GRIP1: variants seen among roughly 807,000 people sequenced by gnomAD.
GRIP1 encodes the protein glutamate receptor interacting protein 1.
Under a neutral mutation model 129.9 loss-of-function variants are expected in GRIP1, and 45 were observed. The observed-to-expected ratio is 0.35, with a 90% CI of 0.27 to 0.44. The LOEUF is 0.44. Ranked by LOEUF, GRIP1 falls within the 20% of genes least tolerant of loss-of-function variation. GRIP1 has a pLI of 1.00. For missense variants in GRIP1, 1,196 were observed against 1,396.8 expected, an observed-to-expected ratio of 0.86 and a Z score of 2.29; for synonymous variants, 530 against 520.8, an observed-to-expected ratio of 1.02 and a Z score of -0.24.
chr12:67,026,801 TATA>T (rs1322448152), intron 1 of GRIP1, among the ~76,000 whole-genome samples: 3 of 152,202 alleles, frequency 2.0e-5, no homozygotes, highest in Non-Finnish European at 4.4e-5. Context: ...TTTTGAATAA[TATA>T]ATCTCTTTAA....
At chr12:66,789,412 T>C (rs1345059699) in intron 1 of GRIP1, among the ~76,000 whole-genome samples, 3 of 152,160 alleles carry the variant, frequency 2.0e-5, no homozygotes, top group African/African-American at 4.8e-5. Context: ...TTCTCATCTA[T>C]AAAATGAGGA....
intron 2 of GRIP1, among the ~76,000 whole-genome samples, chr12:66,573,660 TA>T (rs1291812972): frequency 6.6e-6 from 1 of 152,106 alleles, no homozygotes; most frequent in African/African-American, 2.4e-5. Flanking sequence ...TTCCTATGCT[TA>T]GAAAGTTCTA....
At chr12:66,798,134 T>TA (rs1161435449) in intron 1 of GRIP1, among the ~76,000 whole-genome samples, 1 of 152,172 alleles carries the variant, frequency 6.6e-6, no homozygotes, top group Admixed American at 6.5e-5. Flanking sequence ...ATATGCTTTT[T>TA]ATTAAATAAA....
chr12:66,640,895 C>T (rs1565933515), intron 1 of GRIP1, among the ~76,000 whole-genome samples: 1 of 152,120 alleles, frequency 6.6e-6, no homozygotes, highest in East Asian at 1.9e-4. Flanking sequence ...TCATAAATCC[C>T]ACTGGGGGAA....
intron 1 of GRIP1, among the ~76,000 whole-genome samples, chr12:67,059,820 TG>T (rs1202165442): frequency 6.6e-6 from 1 of 152,242 alleles, no homozygotes; most frequent in Admixed American, 6.5e-5. Context: ...ATGTGCTCTA[TG>T]GACCATGCCA....
chr12:66,529,772 T>C, intron 5 of GRIP1, 59 bp downstream of exon 5: 1 of 943,688 alleles, frequency 1.1e-6, no homozygotes, highest in Non-Finnish European at 1.7e-6. Flanking sequence ...ATACCACCTG[T>C]TCTCTGAAAA....
intron 15 of GRIP1, among the ~76,000 whole-genome samples, chr12:66,412,936 C>T (rs1358192451): frequency 1.3e-5 from 2 of 152,138 alleles, no homozygotes; most frequent in Non-Finnish European, 2.9e-5. Flanking sequence ...GCCCCTAATA[C>T]AGGAGCACCC....
chr12:66,766,908 C>T (rs2037657897), intron 1 of GRIP1, among the ~76,000 whole-genome samples: 2 of 152,288 alleles, frequency 1.3e-5, no homozygotes, highest in Middle Eastern at 3.4e-3. Context: ...CAAACATTCC[C>T]TATGGATAAG....
chr12:67,021,463 T>A (rs2135744583), intron 1 of GRIP1, among the ~76,000 whole-genome samples: 1 of 152,346 alleles, frequency 6.6e-6, no homozygotes, highest in African/African-American at 2.4e-5. Flanking sequence ...GTTAATTTTT[T>A]AATTACTGAG....
At position 66,754,939 on chromosome 12, in the gene GRIP1, A is replaced by G. The variant is rs192401956; in HGVS notation, c.-420+49114T>C. Among the ~76,000 whole-genome samples, 168 of 152,278 alleles carry G rather than the reference A, an allele frequency of 1.1e-3. 5 individuals carry two copies. Among genetic ancestry groups the G allele is most frequent in the Non-Finnish European group, 1.8e-4 (12 of 68,026 alleles). ...AATGATCAAAAATCCATTTCACTAC[A>G]CACAAAACTATGCCACCCTTTAGGA... is the stretch of plus-strand genomic sequence containing the variant. On this transcript the variant is annotated intron_variant, in intron 1 of 4. Coordinates refer to the GRIP1 transcript ENST00000538373.
chr12:66,695,273 GTT>G lies in GRIP1; in HGVS notation c.-419-64939_-419-64938del, dbSNP rs79419418. 3.5e-3 allele frequency among the ~76,000 whole-genome samples: 514 copies of G among 145,990 alleles called. 10 individuals carry two copies. The highest frequency in any genetic ancestry group is 4.0e-3 in the East Asian group (20 of 4,990). Reference sequence around the variant, plus strand: ...GCTGACCCAGCATGCAATCTAACCTGTTTTTTTTTTTTTTATGGCATCTGTTT... The same window carrying G: ...GCTGACCCAGCATGCAATCTAACCTGTTTTTTTTTTTTATGGCATCTGTTT... On this transcript the variant is annotated intron_variant, in intron 1 of 4. Transcript: ENST00000538373.
intron 1 of GRIP1, among the ~76,000 whole-genome samples, chr12:66,669,690 G>A (rs2033982395): frequency 6.6e-6 from 1 of 152,144 alleles, no homozygotes; most frequent in Non-Finnish European, 1.5e-5. Flanking sequence ...GGCATGCCTT[G>A]ATTTATAGCA....
intron 15 of GRIP1, among the ~76,000 whole-genome samples, chr12:66,418,944 A>G (rs577698357): frequency 6.6e-6 from 1 of 152,326 alleles, no homozygotes; most frequent in South Asian, 2.1e-4. Flanking sequence ...CTGCTTGGGT[A>G]TATACCCAAA....
intron 1 of GRIP1, among the ~76,000 whole-genome samples, chr12:66,734,004 A>G (rs2036519308): frequency 6.6e-6 from 1 of 152,196 alleles, no homozygotes; most frequent in Non-Finnish European, 1.5e-5. Context: ...TTTTCTACGT[A>G]CGCTGCAACT....
At chr12:66,413,975 A>T (rs2057492140) in intron 15 of GRIP1, among the ~76,000 whole-genome samples, 1 of 152,114 alleles carries the variant, frequency 6.6e-6, no homozygotes, top group Non-Finnish European at 1.5e-5. Flanking sequence ...CATAGGACAA[A>T]CCCATAGCCA....
intron 1 of GRIP1, among the ~76,000 whole-genome samples, chr12:66,812,375 T>C (rs965085276): frequency 2.6e-5 from 4 of 152,224 alleles, no homozygotes; most frequent in African/African-American, 9.7e-5. Context: ...CCTCAAGTGA[T>C]CCGCCTGCCT....
upstream of GRIP1, among the ~76,000 whole-genome samples, chr12:66,680,785 C>T (rs1454200718): frequency 6.6e-6 from 1 of 152,162 alleles, no homozygotes; most frequent in African/African-American, 2.4e-5. Context: ...ACGCAGCTGT[C>T]AATTACTATT....
chr12:67,062,205 C>T (rs971241276), intron 1 of GRIP1, among the ~76,000 whole-genome samples: 7 of 152,320 alleles, frequency 4.6e-5, no homozygotes, highest in African/African-American at 7.2e-5. Flanking sequence ...TGCAATCAAA[C>T]TCTTTAACCT....
chr12:66,809,662 CT>C (rs774288663), intron 1 of GRIP1, among the ~76,000 whole-genome samples: 550 of 141,656 alleles, frequency 3.9e-3, no homozygotes, highest in Middle Eastern at 0.011. Context: ...CACAAAATGT[CT>C]TTTTTTTTTT....
Sources: allele counts gnomAD v4.1 joint callset (sites outside exome capture counted in the v4.1 genomes callset), GRCh38; gene constraint gnomAD v4.1.1; transcripts MANE v1.5; gene names NCBI Gene and HGNC (gene_info 2026-07-23, HGNC 2026-07-21).